The following KIF14 variants were observed in gnomAD, a reference collection of about 807,000 sequenced individuals.
KIF14 encodes the protein kinesin family member 14.
Under a neutral mutation model 176.2 loss-of-function variants are expected in KIF14, and 98 were observed. The ratio of observed to expected loss-of-function variants is 0.56; its 90% CI spans 0.47 to 0.66. The LOEUF is 0.66. Among genes scored for constraint, KIF14 ranks in the 30% least tolerant of loss-of-function variants. KIF14 has a pLI of 0.00. For synonymous variants in KIF14, 566 were observed against 632.2 expected, an observed-to-expected ratio of 0.90 and a Z score of 1.57; for missense variants, 1,751 against 1,920.4, an observed-to-expected ratio of 0.91 and a Z score of 1.65.
intron 17 of KIF14, among the ~76,000 whole-genome samples, chr1:200,589,671 C>CTTTTTTT (rs1204882989): frequency 2.6e-4 from 20 of 76,560 alleles, no homozygotes; most frequent in East Asian, 4.2e-4. Flanking sequence ...CAACTTTTTT[C>CTTTTTTT]TTTTTTTTTT....
At chr1:200,619,418 C>G (rs1165124140) in intron 1 of KIF14, among the ~76,000 whole-genome samples, 1 of 151,892 alleles carries the variant, frequency 6.6e-6, no homozygotes, top group Non-Finnish European at 1.5e-5. Flanking sequence ...AGTGGCACGA[C>G]CTTGGCTTGC....
intron 13 of KIF14, among the ~76,000 whole-genome samples, chr1:200,598,668 C>A (rs1187514004): frequency 6.6e-6 from 1 of 152,146 alleles, no homozygotes; most frequent in Non-Finnish European, 1.5e-5. Flanking sequence ...AAACGATTCT[C>A]CTGCTTCAGC....
chr1:200,594,790 G>A (rs1253772951), intron 14 of KIF14, among the ~76,000 whole-genome samples: 2 of 152,208 alleles, frequency 1.3e-5, no homozygotes, highest in African/African-American at 4.8e-5. Flanking sequence ...CAAGATCTGT[G>A]ATTAGAGAAT....
At chr1:200,584,000 T>C (rs1250124389) in intron 19 of KIF14, among the ~76,000 whole-genome samples, 1 of 151,220 alleles carries the variant, frequency 6.6e-6, no homozygotes, top group Non-Finnish European at 1.5e-5. Flanking sequence ...ACCCAGCACT[T>C]TGGGAGGCTG....
rs772044585 is a variant in KIF14, at chr1:200,589,207, A to G, written c.3114+10T>C. 6.3e-7 allele frequency: 1 copy of G among 1,591,066 alleles called. No homozygotes were observed. The highest frequency in any genetic ancestry group is 8.6e-7 in the Non-Finnish European group (1 of 1,169,178). On this transcript the variant is annotated intron_variant, in intron 18 of 29. Transcript: ENST00000367350. ...CAGAATAGAGTTAACTGGTTACACA[A>G]TAAAATTACCTGTTTTGTAGCCAAT...
chr1:200,598,187 T>C (rs774253586), intron 14 of KIF14, 50 bp downstream of exon 14: 5 of 1,507,016 alleles, frequency 3.3e-6, no homozygotes, highest in Non-Finnish European at 4.5e-6. Flanking sequence ...CCACATGTTA[T>C]CAAGATATAG....
intron 21 of KIF14, among the ~76,000 whole-genome samples, chr1:200,576,633 T>C (rs887590712): frequency 1.3e-5 from 2 of 152,254 alleles, no homozygotes; most frequent in African/African-American, 4.8e-5. Flanking sequence ...TGTAGAAAAT[T>C]TGGAAATTAT....
chr1:200,605,949 T>C, intron 6 of KIF14, 55 bp from the exon 7 acceptor site: 1 of 1,007,226 alleles, frequency 9.9e-7, no homozygotes, highest in Middle Eastern at 2.3e-4. Flanking sequence ...TATACTCTTG[T>C]TCTCATAAAA....
chr1:200,598,461 T>C (rs1028170457), intron 13 of KIF14, 40 bp from the exon 14 acceptor site: 5 of 1,508,710 alleles, frequency 3.3e-6, no homozygotes, highest in Non-Finnish European at 3.6e-6. Context: ...TTAATCACAG[T>C]ATGAAATTGT....
intron 18 of KIF14, 63 bp from the exon 19 acceptor site, chr1:200,586,290 C>A: frequency 2.2e-6 from 3 of 1,370,744 alleles, no homozygotes; most frequent in Non-Finnish European, 2.9e-6. Flanking sequence ...AACTATAACA[C>A]CACATTGAGA....
intron 27 of KIF14, among the ~76,000 whole-genome samples, chr1:200,557,170 A>G (rs988155767): frequency 6.6e-6 from 1 of 151,974 alleles, no homozygotes; most frequent in African/African-American, 2.4e-5. Flanking sequence ...CGCTCAGCTA[A>G]TTTTTGTATT....
rs1318953688 is a variant in KIF14, at chr1:200,565,376, T to G, written c.3886+69A>C. ...CATGCCAGATGTGCCAAATAATCAC[T>G]CAAAACAAAGTGCAATGTGCAGAAA... is the stretch of plus-strand genomic sequence containing the variant. On this transcript the variant is annotated intron_variant, in intron 24 of 29. Transcript: ENST00000367350. 23 of 1,441,914 alleles carry G rather than the reference T, an allele frequency of 1.6e-5. No homozygotes were observed. In the South Asian group the frequency reaches 3.1e-4, roughly 20 times the overall value. 89.3% of individuals were successfully genotyped at this position (1,441,914 alleles called of 1,614,324 possible). A position where few individuals can be genotyped will look rare whatever the true frequency, so the allele number is the denominator to read the frequency against.
At chr1:200,581,601 C>T (rs1658458875) in intron 19 of KIF14, among the ~76,000 whole-genome samples, 1 of 151,370 alleles carries the variant, frequency 6.6e-6, no homozygotes, top group African/African-American at 2.4e-5. Flanking sequence ...TTTCTTTCTT[C>T]CTCATTTCTA....
chr1:200,585,439 T>C (rs1658684746), intron 19 of KIF14, among the ~76,000 whole-genome samples: 1 of 152,088 alleles, frequency 6.6e-6, no homozygotes, highest in South Asian at 2.1e-4. Context: ...AACAACGTAA[T>C]CCATGACTAA....
At chr1:200,573,552 T>A (rs1429749927) in intron 22 of KIF14, among the ~76,000 whole-genome samples, 1 of 149,824 alleles carries the variant, frequency 6.7e-6, no homozygotes, top group Non-Finnish European at 1.5e-5. Context: ...TTCTCCTGCC[T>A]CAGCCTCCCG....
rs561814424 is a variant in KIF14 at position 200,563,115 on chromosome 1, T to C, written c.4071+1954A>G. The stretch of plus-strand genomic sequence containing the variant: ...GGAGAACAACGGACATTAAAAACAA[T>C]CATCTGATTTCAAGTTTACTAGTTA... On this transcript the variant is annotated intron_variant, in intron 25 of 29. Transcript: ENST00000367350. 2.0e-3 allele frequency among the ~76,000 whole-genome samples: 304 copies of C among 152,258 alleles called. 2 individuals carry two copies. Among genetic ancestry groups the C allele is most frequent in the Middle Eastern group, 3.4e-3 (1 of 294 alleles).
rs148834478 is a variant in KIF14, at chr1:200,605,876, G to A, written c.1626C>T (p.Tyr542=). Residue 542 remains tyrosine (Y), a synonymous_variant, in exon 7 of 30, where the codon TAC becomes TAT. Transcript: ENST00000367350. ...EALSMNIVSS[Y]ADIQSWLELG... ...AAATCAATCTTACCTGGATATCAGC[G>A]TAAGAACTGACAATGTTCCTATTTT... is the stretch of plus-strand genomic sequence containing the variant. The A allele has an allele frequency of 2.7e-5, 41 of 1,530,894 alleles. No individual in the cohort carries two copies. The highest frequency in any genetic ancestry group is 3.0e-5 in the Non-Finnish European group (34 of 1,133,318). The allele number at this position is 1,530,894 out of a possible 1,614,324, so 94.8% of individuals were successfully genotyped here.
At chr1:200,586,868 C>T (rs780461542) in intron 18 of KIF14, among the ~76,000 whole-genome samples, 19 of 150,450 alleles carry the variant, frequency 1.3e-4, no homozygotes, top group South Asian at 4.2e-4. Flanking sequence ...TTTGCAGCAA[C>T]TTGAATGGAA....
At chr1:200,594,368 CAAAAAAAA>C (rs371729211) in intron 14 of KIF14, among the ~76,000 whole-genome samples, 1 of 92,490 alleles carries the variant, frequency 1.1e-5, no homozygotes, top group South Asian at 4.0e-4. Flanking sequence ...CCCAAAAATT[CAAAAAAAA>C]AAAAAAAAAA....
Sources: gnomAD v4.1 joint callset for allele counts (sites outside exome capture counted in the v4.1 genomes callset) on GRCh38, gnomAD v4.1.1 for gene constraint, MANE v1.5 for transcripts, NCBI Gene and HGNC (gene_info 2026-07-23, HGNC 2026-07-21) for gene names.